MLLT3: variants seen among roughly 807,000 people sequenced by gnomAD.
MLLT3 encodes the protein protein AF-9.
A neutral mutation model predicts 53.2 loss-of-function variants in MLLT3; 4 were observed. The observed-to-expected ratio is 0.08, with a 90% confidence interval of 0.04 to 0.17. The LOEUF is 0.17. Among genes scored for constraint, MLLT3 ranks in the 10% least tolerant of loss-of-function variants. MLLT3 has a pLI of 1.00. For synonymous variants in MLLT3, 283 were observed against 230.6 expected, an observed-to-expected ratio of 1.23 and a Z score of -2.06; for missense variants, 569 against 684.0, an observed-to-expected ratio of 0.83 and a Z score of 1.87.
chr9:20,560,153 G>T lies in MLLT3; in HGVS notation c.193+60501C>A, dbSNP rs528031689. ...TACTGTCTGCTTATTCCTGCTGAGG[G>T]TTCTGGAATTATAAGCCTGGGAAAT... is the stretch of plus-strand genomic sequence containing the variant. On this transcript the variant is annotated intron_variant, in intron 2 of 10. Coordinates refer to ENST00000380338, the MANE Select transcript of MLLT3 (RefSeq NM_004529.4). 8.5e-5 allele frequency among the ~76,000 whole-genome samples: 13 copies of T among 152,218 alleles called. No individual in the cohort carries two copies. In the South Asian group the frequency reaches 1.7e-3, roughly 19 times the overall value.
At chr9:20,573,293 C>T (rs921509352) in intron 2 of MLLT3, among the ~76,000 whole-genome samples, 1 of 151,954 alleles carries the variant, frequency 6.6e-6, no homozygotes, top group Non-Finnish European at 1.5e-5. Flanking sequence ...GATCCTCCTG[C>T]CTCGGCCCCA....
intron 4 of MLLT3, among the ~76,000 whole-genome samples, chr9:20,440,844 G>A (rs1277409040): frequency 6.6e-6 from 1 of 151,782 alleles, no homozygotes; most frequent in African/African-American, 2.4e-5. Flanking sequence ...TTGGCTTTTT[G>A]TGCAATTGGG....
Position 20,414,280 on chromosome 9 carries a change from C to T in MLLT3, c.566G>A (p.Ser189Asn), listed in dbSNP as rs200928326. The T allele has an allele frequency of 2.4e-5, 39 of 1,608,530 alleles. No individual in the cohort carries two copies. The highest frequency in any genetic ancestry group is 3.4e-6 in the Non-Finnish European group (4 of 1,177,184). Residue 189 changes from serine (S) to asparagine (N), a missense_variant, in exon 5 of 11, where the codon AGT becomes AAT. This residue lies in a region of MLLT3 where 437 missense variants were observed against 376.5 expected (regional missense o/e 1.16). Transcript: ENST00000380338. ...SSSSSSSSSS[S>N]STSFSKPHKL... is the part of the protein sequence containing the mutation. The stretch of plus-strand genomic sequence containing the variant: ...GTGAGGCTTTGAAAAACTGGTACTA[C>T]TGCTGCTGCTGCTGCTGCTACTGCT...
intron 5 of MLLT3, among the ~76,000 whole-genome samples, chr9:20,378,473 T>C (rs762569150): frequency 6.6e-6 from 1 of 152,070 alleles, no homozygotes; most frequent in Non-Finnish European, 1.5e-5. Flanking sequence ...TTTATATTTA[T>C]ACTGTACACA....
At chr9:20,495,689 A>G (rs1027131470) in intron 2 of MLLT3, among the ~76,000 whole-genome samples, 1 of 152,168 alleles carries the variant, frequency 6.6e-6, no homozygotes, top group African/African-American at 2.4e-5. Context: ...CATTCTTACT[A>G]AAGAATTGTC....
intron 2 of MLLT3, among the ~76,000 whole-genome samples, chr9:20,501,926 C>G (rs10964581): frequency 6.6e-6 from 1 of 151,506 alleles, no homozygotes; most frequent in East Asian, 1.9e-4. Context: ...ACTAAAAATA[C>G]AAAAATTAGC....
intron 2 of MLLT3, among the ~76,000 whole-genome samples, chr9:20,615,392 A>C (rs972436185): frequency 2.0e-5 from 3 of 150,860 alleles, no homozygotes; most frequent in African/African-American, 7.3e-5. Context: ...AAAAAAAAAA[A>C]AAAAGAATGG....
chr9:20,487,782 T>C (rs993366841), intron 2 of MLLT3, among the ~76,000 whole-genome samples: 2 of 152,184 alleles, frequency 1.3e-5, no homozygotes, highest in Non-Finnish European at 2.9e-5. Flanking sequence ...TTATTTCCAT[T>C]GAATTCTAGT....
intron 2 of MLLT3, among the ~76,000 whole-genome samples, chr9:20,570,072 A>G (rs1819491156): frequency 6.6e-6 from 1 of 152,210 alleles, no homozygotes; most frequent in African/African-American, 2.4e-5. Context: ...CTATTTTGCA[A>G]TTACTATAAT....
intron 2 of MLLT3, among the ~76,000 whole-genome samples, chr9:20,457,268 G>A (rs560887602): frequency 1.7e-3 from 153 of 92,006 alleles, no homozygotes; most frequent in African/African-American, 6.2e-3. Context: ...TTTTTTTTGA[G>A]ACGGAGTTTC....
intron 2 of MLLT3, among the ~76,000 whole-genome samples, chr9:20,586,609 T>C (rs903168253): frequency 6.6e-6 from 1 of 151,718 alleles, no homozygotes; most frequent in African/African-American, 2.4e-5. Flanking sequence ...CAAAATACCA[T>C]GGAGGCAAAT....
At chr9:20,557,445 T>C (rs1431339811) in intron 2 of MLLT3, among the ~76,000 whole-genome samples, 2 of 152,204 alleles carry the variant, frequency 1.3e-5, no homozygotes, top group East Asian at 1.9e-4. Flanking sequence ...TTAATATAGC[T>C]AAAACCTTTA....
chr9:20,456,811 G>GT (rs1823980787), intron 2 of MLLT3, 25 bp from the exon 3 acceptor site: 2 of 1,468,210 alleles, frequency 1.4e-6, no homozygotes, highest in Non-Finnish European at 1.9e-6. Context: ...AAGAAAATAG[G>GT]TAAGATGAGA....
intron 3 of MLLT3, among the ~76,000 whole-genome samples, chr9:20,454,260 C>T (rs767308715): frequency 2.6e-5 from 4 of 151,864 alleles, no homozygotes; most frequent in African/African-American, 4.8e-5. Context: ...TGTGTGCACA[C>T]GCATGCGTGT....
intron 2 of MLLT3, among the ~76,000 whole-genome samples, chr9:20,510,001 T>C (rs1825489527): frequency 6.6e-6 from 1 of 152,016 alleles, no homozygotes; most frequent in South Asian, 2.1e-4. Flanking sequence ...GTGAATCAAA[T>C]GTGAAAATGT....
chr9:20,346,759 A>T (rs961251018), intron 10 of MLLT3, among the ~76,000 whole-genome samples, 185 bp from the exon 11 acceptor site: 4 of 152,200 alleles, frequency 2.6e-5, no homozygotes, highest in Non-Finnish European at 5.9e-5. Context: ...AAGGTATATT[A>T]AGCCTTAGAA....
chr9:20,515,440 T>C (rs1817886013), intron 2 of MLLT3, among the ~76,000 whole-genome samples: 1 of 152,246 alleles, frequency 6.6e-6, no homozygotes, highest in South Asian at 2.1e-4. Flanking sequence ...AAAGTTCCTT[T>C]TCTTTCCCTC....
Position 20,348,708 on chromosome 9 carries a change from C to G in MLLT3, c.1576-2134G>C, listed in dbSNP as rs560917668. On this transcript the variant is annotated intron_variant, in intron 10 of 10. Coordinates refer to ENST00000380338, the MANE Select transcript of MLLT3 (RefSeq NM_004529.4). Reference sequence around the variant, plus strand: ...AGTGTACCCAATTATGGTTAAAGTGCTACATTTATGTAAAAATGTATCCAA... The same window carrying G: ...AGTGTACCCAATTATGGTTAAAGTGGTACATTTATGTAAAAATGTATCCAA... 3.3e-5 allele frequency among the ~76,000 whole-genome samples: 5 copies of G among 152,290 alleles called. No homozygotes were observed. The South Asian group carries it at 1.0e-3, about 32-fold the overall frequency.
At chr9:20,415,551 C>T (rs1051180458) in intron 4 of MLLT3, 5 of 385,568 alleles carry the variant, frequency 1.3e-5, no homozygotes, top group African/African-American at 8.7e-5. Flanking sequence ...CTTCCACTTC[C>T]TAATGGAACC....
Sources: gnomAD v4.1 joint callset for allele counts (sites outside exome capture counted in the v4.1 genomes callset) on GRCh38, gnomAD v4.1.1 for gene constraint, gnomAD v4.1.1 regional missense constraint, MANE v1.5 for transcripts, NCBI Gene and HGNC (gene_info 2026-07-23, HGNC 2026-07-21) for gene names.